CYP19A1: variants seen among roughly 807,000 people sequenced by gnomAD.
The protein encoded by CYP19A1 is cytochrome P450 family 19 subfamily A member 1.
In CYP19A1, 32 loss-of-function variants were observed where a neutral mutation model predicts 44.4. The observed-to-expected ratio is 0.72, with a 90% confidence interval of 0.54 to 0.97. The LOEUF is 0.97. CYP19A1 is among the 50% of genes least tolerant of loss of function. The pLI is 0.00. For missense variants in CYP19A1, 598 were observed against 637.8 expected (o/e 0.94, Z 0.67); for synonymous variants, 212 against 215.6 (o/e 0.98, Z 0.14).
At chr15:51,317,640 G>T (rs2036452261) in intron 1 of CYP19A1, among the ~76,000 whole-genome samples, 1 of 152,212 alleles carries the variant, frequency 6.6e-6, no homozygotes, top group Non-Finnish European at 1.5e-5. Context: ...GCCCAGAAGA[G>T]TTTGATATGG....
intron 1 of CYP19A1, among the ~76,000 whole-genome samples, chr15:51,247,997 GT>G (rs1263921394): frequency 6.6e-6 from 1 of 152,094 alleles, no homozygotes; most frequent in Non-Finnish European, 1.5e-5. Flanking sequence ...TATCTCAGTG[GT>G]CAGTTGAAGG....
rs913582739 is a variant in CYP19A1 at position 51,306,379 on chromosome 15, G to C, written c.-39+32116C>G. On this transcript the variant is annotated intron_variant, in intron 1 of 9. Coordinates refer to ENST00000396402, the MANE Select transcript of CYP19A1 (RefSeq NM_000103.4). ...TCTTCTTTTTTACATTTTTGGAAGG[G>C]TGACAGCAGTTTTTGTTTTTTTGTT... Among the ~76,000 whole-genome samples, 4 of 152,090 alleles carry C rather than the reference G, an allele frequency of 2.6e-5. No homozygotes were observed. The East Asian group carries it at 7.7e-4, about 29-fold the overall frequency.
chr15:51,225,820 A>G (rs1359771988), intron 4 of CYP19A1, among the ~76,000 whole-genome samples: 1 of 152,060 alleles, frequency 6.6e-6, no homozygotes, highest in African/African-American at 2.4e-5. Flanking sequence ...CAAAGATTAT[A>G]GGCTGACGTC....
At chr15:51,255,994 A>G (rs1326231211) in intron 1 of CYP19A1, among the ~76,000 whole-genome samples, 1 of 152,158 alleles carries the variant, frequency 6.6e-6, no homozygotes, top group Non-Finnish European at 1.5e-5. Flanking sequence ...TCATTGCCCA[A>G]TTTTATGGGA....
intron 1 of CYP19A1, among the ~76,000 whole-genome samples, chr15:51,254,235 C>A (rs1427859177): frequency 3.3e-5 from 5 of 151,970 alleles, no homozygotes; most frequent in Non-Finnish European, 5.9e-5. Context: ...CTTCAGAAGT[C>A]TATTATCAGC....
intron 1 of CYP19A1, among the ~76,000 whole-genome samples, chr15:51,303,824 C>T (rs544019991): frequency 1.6e-4 from 25 of 152,282 alleles, no homozygotes; most frequent in South Asian, 4.1e-4. Flanking sequence ...TGCAATTGCA[C>T]GTGTCCATGC....
intron 1 of CYP19A1, among the ~76,000 whole-genome samples, chr15:51,297,397 A>G (rs1291267782): frequency 6.6e-6 from 1 of 152,178 alleles, no homozygotes; most frequent in African/African-American, 2.4e-5. Context: ...ACCGGGGGAG[A>G]CAGAGTCCCA....
intron 1 of CYP19A1, among the ~76,000 whole-genome samples, chr15:51,327,951 T>C (rs1173802439): frequency 6.6e-6 from 1 of 151,998 alleles, no homozygotes; most frequent in Non-Finnish European, 1.5e-5. Context: ...TATAGAAAAA[T>C]AAGTATTTCA....
In CYP19A1 at chr15:51,227,899, G is replaced by A; in HGVS notation, c.331C>T (p.His111Tyr). ...SSMFHIMKHN[H>Y]YSSRFGSKLG... ...TTGCTGCCGAATCGAGAGCTGTAAT[G>A]ATTGTGCTTCATTATGTGGAACATA... The change falls in exon 4 of 10, where the codon CAT becomes TAT. Residue 111 changes from histidine (H) to tyrosine (Y), a missense_variant. His to Tyr is a moderately conservative substitution (Grantham distance 83). Transcript: ENST00000396402. 2 of 1,595,428 alleles carry A rather than the reference G, an allele frequency of 1.3e-6. No individual in the cohort carries two copies. Among genetic ancestry groups the A allele is most frequent in the Middle Eastern group, 1.7e-4 (1 of 6,014 alleles).
At chr15:51,318,120 G>A (rs1020953458) in intron 1 of CYP19A1, among the ~76,000 whole-genome samples, 13 of 152,110 alleles carry the variant, frequency 8.5e-5, no homozygotes, top group African/African-American at 2.9e-4. Context: ...CACAGCTGGG[G>A]TGCTATCCCA....
chr15:51,266,783 G>A (rs781490075), intron 1 of CYP19A1, among the ~76,000 whole-genome samples: 2 of 152,180 alleles, frequency 1.3e-5, no homozygotes, highest in Non-Finnish European at 1.5e-5. Flanking sequence ...GGCAGGGCAC[G>A]GAAAGCCTTC....
chr15:51,297,021 G>A (rs997606572), intron 1 of CYP19A1, among the ~76,000 whole-genome samples: 1 of 152,136 alleles, frequency 6.6e-6, no homozygotes, highest in Non-Finnish European at 1.5e-5. Flanking sequence ...TGAGCAGGAG[G>A]CCAAGACTTT....
chr15:51,299,769 C>A (rs139386989), intron 1 of CYP19A1, among the ~76,000 whole-genome samples: 1 of 152,212 alleles, frequency 6.6e-6, no homozygotes. Context: ...TGTTCACAGC[C>A]CAGCAGGGGA....
intron 4 of CYP19A1, 85 bp from the exon 5 acceptor site, chr15:51,222,610 C>T: frequency 9.9e-7 from 1 of 1,006,722 alleles, no homozygotes; most frequent in Non-Finnish European, 1.5e-6. Context: ...TATGTTGGAG[C>T]TTAATTGTCC....
Position 51,215,160 on chromosome 15 carries a change from T to C in CYP19A1, c.931A>G (p.Met311Val), listed in dbSNP as rs778448927. Residue 311 changes from methionine (M) to valine (V), a missense_variant, in exon 8 of 10, where the codon ATG (methionine) becomes GTG (valine). Met to Val is a conservative substitution (Grantham distance 21). Transcript: ENST00000396402. Reference protein sequence around the residue: ...LEMLIAAPDTMSVSLFFMLFL... With the variant: ...LEMLIAAPDTVSVSLFFMLFL... Reference sequence around the variant, plus strand: ...AGCATGAAGAACAAAGAGACAGACATGGTGTCAGGAGCTGCGATCAGCATT... The same window carrying C: ...AGCATGAAGAACAAAGAGACAGACACGGTGTCAGGAGCTGCGATCAGCATT... The C allele has an allele frequency of 6.2e-7, 1 of 1,614,068 alleles. No homozygotes were observed. Among genetic ancestry groups the C allele is most frequent in the Non-Finnish European group, 8.5e-7 (1 of 1,180,000 alleles).
intron 8 of CYP19A1, among the ~76,000 whole-genome samples, 153 bp from the exon 9 acceptor site, chr15:51,212,714 T>C (rs1231523631): frequency 6.6e-6 from 1 of 152,168 alleles, no homozygotes; most frequent in African/African-American, 2.4e-5. Flanking sequence ...CAGGGCCAAA[T>C]ATGTTATGCT....
At chr15:51,223,627 A>ACACACACACACACACACACACC (rs1393152517) in intron 4 of CYP19A1, among the ~76,000 whole-genome samples, 1 of 151,286 alleles carries the variant, frequency 6.6e-6, no homozygotes, top group Admixed American at 6.6e-5. Context: ...ACACACACAC[A>ACACACACACACACACACACACC]CACACACACT....
intron 1 of CYP19A1, among the ~76,000 whole-genome samples, chr15:51,271,410 G>A (rs946821144): frequency 6.6e-5 from 10 of 152,132 alleles, no homozygotes; most frequent in Admixed American, 5.2e-4. Flanking sequence ...TTTCCAGATC[G>A]TTCCCCTGTC....
At chr15:51,232,067 T>G (rs1392220322) in intron 3 of CYP19A1, among the ~76,000 whole-genome samples, 6 of 152,226 alleles carry the variant, frequency 3.9e-5, no homozygotes, top group African/African-American at 1.4e-4. Flanking sequence ...TAATTTCTCC[T>G]ATTTTAAAAA....
Sources: allele counts gnomAD v4.1 joint callset (sites outside exome capture counted in the v4.1 genomes callset), GRCh38; gene constraint gnomAD v4.1.1; transcripts MANE v1.5; gene names NCBI Gene and HGNC (gene_info 2026-07-23, HGNC 2026-07-21).